The following PLXNB3 variants were observed in gnomAD, a reference collection of about 807,000 sequenced individuals.
The protein encoded by PLXNB3 is plexin-B3.
PLXNB3 carries 80 observed loss-of-function variants against 125.7 expected under a neutral mutation model. The ratio of observed to expected loss-of-function variants is 0.64; its 90% CI spans 0.53 to 0.77. The LOEUF (loss-of-function observed/expected upper bound fraction) is 0.77. Ranked by LOEUF, PLXNB3 falls within the 30% of genes least tolerant of loss-of-function variation. The pLI, the probability that PLXNB3 is intolerant of heterozygous loss-of-function variation, is 0.00. For missense variants in PLXNB3, 1,836 were observed against 1,729.3 expected (o/e 1.06, Z -1.09); for synonymous variants, 954 against 783.3 (o/e 1.22, Z -3.64).
In PLXNB3 at chrX:153,770,871, TCAA is replaced by T; in HGVS notation, c.2127_2129del (p.Gln709del). 1 of 1,206,119 alleles carries T rather than the reference TCAA, an allele frequency of 8.3e-7. No individual in the cohort carries two copies. The highest frequency in any genetic ancestry group is 1.1e-6 in the Non-Finnish European group (1 of 891,726). ...ATTTGGCCCTACGCGTGCGGAACCT[TCAA>T]CATTTCCGAGTGAGCCATCAGGAGG... On this transcript the variant is annotated inframe_deletion, in exon 11 of 36. Transcript: ENST00000361971.
Position 153,774,965 on chromosome X carries a change from C to T in PLXNB3, c.4017C>T (p.Arg1339=), listed in dbSNP as rs782612614. The change falls in exon 24 of 36, where the codon CGC becomes CGT. Residue 1339 remains arginine (R), a synonymous_variant. Transcript: ENST00000361971. The part of the protein sequence containing the change: ...PFLDYRTYAE[R]AFFPGHGGCP... ...TGGACTACCGCACCTACGCCGAGCG[C>T]GCCTTCTTCCCTGGCCATGGCGGTT... is the stretch of plus-strand genomic sequence containing the variant. 2.8e-5 allele frequency: 33 copies of T among 1,193,336 alleles called. No individual in the cohort carries two copies. The highest frequency in any genetic ancestry group is 1.3e-4 in the Admixed American group (6 of 44,618).
chrX:153,769,780 G>T, intron 6 of PLXNB3, 27 bp from the exon 7 acceptor site: 1 of 1,196,848 alleles, frequency 8.4e-7, no homozygotes, highest in Non-Finnish European at 1.1e-6. Flanking sequence ...GACCCCCACG[G>T]TGACCTGATG....
rs202202015 is a variant in PLXNB3, at chrX:153,778,078, G to A, written c.5392G>A (p.Glu1798Lys). 15 of 1,210,312 alleles carry A rather than the reference G, an allele frequency of 1.2e-5. No individual in the cohort carries two copies. The highest frequency in any genetic ancestry group is 1.7e-5 in the Non-Finnish European group (15 of 895,285). Residue 1798 changes from glutamate to lysine, a missense_variant, in exon 32 of 36, where the codon GAG becomes AAG. By Grantham distance (56) the Glu-to-Lys change is moderately conservative. Coordinates refer to ENST00000361971, the MANE Select transcript of PLXNB3 (RefSeq NM_005393.3). ...QTFIDSCTTS[E>K]HKVGRDSPVN... is the part of the protein sequence containing the mutation. ...CTTCATTGACTCCTGTACCACCTCG[G>A]AGCATAAAGTGGGCCGGGTGAGAGC... is the stretch of plus-strand genomic sequence containing the variant.
chrX:153,776,776 G>C, intron 28 of PLXNB3, 111 bp from the exon 29 acceptor site: 1 of 428,976 alleles, frequency 2.3e-6, no homozygotes, highest in Non-Finnish European at 3.7e-6. Context: ...AGGGTGAGGC[G>C]AGGCAGGGCA....
intron 30 of PLXNB3, 73 bp downstream of exon 30, chrX:153,777,453 G>A: frequency 1.7e-6 from 2 of 1,181,252 alleles, no homozygotes; most frequent in Non-Finnish European, 2.3e-6. Context: ...GGGTGTGGGA[G>A]GGGCAGGGGC....
At position 153,768,964 on chromosome X, in the gene PLXNB3, C is replaced by T; in HGVS notation, c.1283C>T (p.Ser428Phe). The T allele has an allele frequency of 8.3e-7, 1 of 1,211,471 alleles. No homozygotes were observed. Among genetic ancestry groups the T allele is most frequent in the South Asian group, 1.8e-5 (1 of 56,938 alleles). The change falls in exon 5 of 36, where the codon TCC becomes TTC. Residue 428 changes from serine (S) to phenylalanine (F), a missense_variant. Transcript: ENST00000361971. ...CCCACTCAGGTCTTTCTCCACGGCT[C>T]CCAGGGCCAGGTTTACCACTCCCAG... Reference protein sequence around the residue: ...GQLYKVFLHGSQGQVYHSQQV... With the variant: ...GQLYKVFLHGFQGQVYHSQQV...
In PLXNB3 at chrX:153,769,050, C is replaced by G. The variant is rs1369524419; in HGVS notation, c.1369C>G (p.His457Asp). The change falls in exon 5 of 36, where the codon CAC becomes GAC. Residue 457 changes from histidine (H) to aspartate (D), a missense_variant. Transcript: ENST00000361971. Reference protein sequence around the residue: ...PDLLLDSSGSHLYVLTAHQVD... With the variant: ...PDLLLDSSGSDLYVLTAHQVD... ...CCTGCTGCTGGACAGCAGTGGCAGT[C>G]ACCTCTATGTCCTGACTGCCCACCA... 8.3e-7 allele frequency: 1 copy of G among 1,210,032 alleles called. No homozygotes were observed.
In PLXNB3 at chrX:153,768,338, G is replaced by T. The variant is rs782764110; in HGVS notation, c.1176G>T (p.Lys392Asn). 2.5e-5 allele frequency: 30 copies of T among 1,209,814 alleles called. No individual in the cohort carries two copies. In the Admixed American group the frequency reaches 6.5e-4, roughly 26 times the overall value. ...CCCTGGAGGTCCAGCCTCTGCTGAA[G>T]CTCGGGCAGCCGGTCAGCGCCGTGG... ...RQPLEVQPLL[K>N]LGQPVSAVAA... The change falls in exon 4 of 36, where the codon AAG becomes AAT. Residue 392 changes from lysine (K) to asparagine (N), a missense_variant. By Grantham distance (94) the Lys-to-Asn change is moderately conservative. Transcript: ENST00000361971.
At chrX:153,768,043 C>T (rs2091878776) in intron 3 of PLXNB3, 130 bp downstream of exon 3, 3 of 783,499 alleles carry the variant, frequency 3.8e-6, no homozygotes, top group South Asian at 5.9e-5. Flanking sequence ...CTCCAGGTCT[C>T]CTGCCTGCTC....
Position 153,770,903 on chromosome X carries a change from G to A in PLXNB3, c.2136+20G>A, listed in dbSNP as rs375437086. 3 of 1,203,288 alleles carry A rather than the reference G, an allele frequency of 2.5e-6. No homozygotes were observed. Among genetic ancestry groups the A allele is most frequent in the African/African-American group, 1.7e-5 (1 of 57,528 alleles). On this transcript the variant is annotated intron_variant, in intron 11 of 35. Coordinates refer to ENST00000361971, the MANE Select transcript of PLXNB3 (RefSeq NM_005393.3). ...TTCCGAGTGAGCCATCAGGAGGGAAGGGGACAGGGCAGTGAGGTCTGCCAA... is the reference window on the plus strand; with the variant it reads ...TTCCGAGTGAGCCATCAGGAGGGAAAGGGACAGGGCAGTGAGGTCTGCCAA...
In PLXNB3 at chrX:153,776,355, G is replaced by C; in HGVS notation, c.4730-1G>C. ...CTATCTGCTTCCCTGACTCCCTCCA[G>C]AGTGGCGCTCAGGCCTGGCTGGTCA... On this transcript the variant is annotated splice_acceptor_variant, in intron 27 of 35. Coordinates refer to ENST00000361971, the MANE Select transcript of PLXNB3 (RefSeq NM_005393.3). LOFTEE classifies it high-confidence loss of function. The C allele has an allele frequency of 1.7e-6, 2 of 1,184,239 alleles. No homozygotes were observed. The highest frequency in any genetic ancestry group is 2.3e-6 in the Non-Finnish European group (2 of 875,514).
chrX:153,779,085 G>A lies in PLXNB3; in HGVS notation c.*46G>A, dbSNP rs192781835. The A allele has an allele frequency of 1.3e-3, 1,245 of 952,676 alleles. 7 individuals are homozygous for A. The African/African-American group carries it at 0.022, about 17-fold the overall frequency. The allele number at this position is 952,676 out of a possible 1,213,427, so 78.5% of individuals were successfully genotyped here. A position where few individuals can be genotyped will look rare whatever the true frequency, so the allele number is the denominator to read the frequency against. On this transcript the variant is annotated 3_prime_UTR_variant, in exon 36 of 36. Coordinates refer to ENST00000361971, the MANE Select transcript of PLXNB3 (RefSeq NM_005393.3). ...AAGCCGGATCCACCAACACCGCAGC[G>A]CCTTATGACCCCGGAACCGAGCCAG...
rs781974282 is a variant in PLXNB3, at chrX:153,777,238, G to T, written c.4958G>T (p.Gly1653Val). ...NIPTLEDGEE[G>V]GVCLWHLVKA... ...CCCACGCTGGAGGATGGCGAGGAGG[G>T]GGGGGTGTGCCTCTGGCACCTGGTG... Residue 1653 changes from glycine (G) to valine (V), a missense_variant, in exon 30 of 36, where the codon GGG (glycine) becomes GTG (valine). Transcript: ENST00000361971. The T allele has an allele frequency of 3.4e-6, 4 of 1,173,412 alleles. No homozygotes were observed. Among genetic ancestry groups the T allele is most frequent in the Non-Finnish European group, 4.6e-6 (4 of 874,750 alleles).
Position 153,766,199 on chromosome X carries a change from C to T in PLXNB3, c.45+619C>T, listed in dbSNP as rs185844052. On this transcript the variant is annotated intron_variant, in intron 2 of 35. Transcript: ENST00000361971. The stretch of plus-strand genomic sequence containing the variant: ...GCCCCAGTGCTTCCTCGCCCTGGAG[C>T]TGGGCGCCAGCATGGAGCTCACCCC... 6.9e-4 allele frequency: 793 copies of T among 1,148,174 alleles called. 3 individuals are homozygous for T. The African/African-American group carries it at 0.013, about 19-fold the overall frequency. 94.6% of individuals were successfully genotyped at this position (1,148,174 alleles called of 1,213,427 possible). A position where few individuals can be genotyped will look rare whatever the true frequency, so the allele number is the denominator to read the frequency against.
chrX:153,777,271 C>T lies in PLXNB3; in HGVS notation c.4991C>T (p.Thr1664Ile). 8.3e-7 allele frequency: 1 copy of T among 1,197,838 alleles called. No homozygotes were observed. The highest frequency in any genetic ancestry group is 1.7e-5 in the African/African-American group (1 of 57,783). ...TGCCTCTGGCACCTGGTGAAAGCCACCGAGGAGCCAGAAGGGGCCAAGGTG... is the reference window on the plus strand; with the variant it reads ...TGCCTCTGGCACCTGGTGAAAGCCATCGAGGAGCCAGAAGGGGCCAAGGTG... ...GVCLWHLVKA[T>I]EEPEGAKVRC... Residue 1664 changes from threonine to isoleucine, a missense_variant, in exon 30 of 36, where the codon ACC (threonine) becomes ATC (isoleucine). Coordinates refer to ENST00000361971, the MANE Select transcript of PLXNB3 (RefSeq NM_005393.3).
chrX:153,766,776 C>A, intron 2 of PLXNB3, 97 bp from the exon 3 acceptor site: 1 of 1,094,980 alleles, frequency 9.1e-7, no homozygotes, highest in South Asian at 2.3e-5. Flanking sequence ...CCTCCCTGGC[C>A]CTGAGCACCC....
chrX:153,769,798 G>A lies in PLXNB3; in HGVS notation c.1497-9G>A. On this transcript the variant is annotated splice_polypyrimidine_tract_variant and intron_variant, in intron 6 of 35. Coordinates refer to ENST00000361971, the MANE Select transcript of PLXNB3 (RefSeq NM_005393.3). ...CCCCACGGTGACCTGATGGACCCCT[G>A]CCTGGCAGGTGTACCCGGAAGGGCC... 8.3e-7 allele frequency: 1 copy of A among 1,202,507 alleles called. No homozygotes were observed. Among genetic ancestry groups the A allele is most frequent in the Non-Finnish European group, 1.1e-6 (1 of 892,011 alleles).
rs782206592 is a variant in PLXNB3, at chrX:153,774,966, G to A, written c.4018G>A (p.Ala1340Thr). Reference sequence around the variant, plus strand: ...GGACTACCGCACCTACGCCGAGCGCGCCTTCTTCCCTGGCCATGGCGGTTG... The same window carrying A: ...GGACTACCGCACCTACGCCGAGCGCACCTTCTTCCCTGGCCATGGCGGTTG... ...FLDYRTYAER[A>T]FFPGHGGCPL... The change falls in exon 24 of 36, where the codon GCC becomes ACC. Residue 1340 changes from alanine to threonine, a missense_variant. Coordinates refer to ENST00000361971, the MANE Select transcript of PLXNB3 (RefSeq NM_005393.3). 3.7e-5 allele frequency: 44 copies of A among 1,193,880 alleles called. No homozygotes were observed. The East Asian group carries it at 9.8e-4, about 27-fold the overall frequency.
chrX:153,769,775 C>T (rs782314996), intron 6 of PLXNB3, 32 bp from the exon 7 acceptor site: 2 of 1,188,876 alleles, frequency 1.7e-6, no homozygotes, highest in East Asian at 3.0e-5. Context: ...TCTAGGACCC[C>T]CACGGTGACC....
Sources: gnomAD v4.1 joint callset for allele counts on GRCh38, gnomAD v4.1.1 for gene constraint, MANE v1.5 for transcripts, NCBI Gene and HGNC (gene_info 2026-07-23, HGNC 2026-07-21) for gene names.